PKN2: variants seen among roughly 807,000 people sequenced by gnomAD.
PKN2 encodes the protein protein kinase N2.
PKN2 carries 38 observed loss-of-function variants against 119.1 expected under a neutral mutation model. That is an observed-to-expected ratio of 0.32 (90% CI 0.25 to 0.42). The LOEUF is 0.42. PKN2 is among the 10% of genes least tolerant of loss of function. The pLI, the probability that PKN2 is intolerant of heterozygous loss-of-function variation, is 1.00. For synonymous variants in PKN2, 390 were observed against 384.9 expected (o/e 1.01, Z -0.15); for missense variants, 850 against 1,165.1 (o/e 0.73, Z 3.94).
chr1:88,728,948 G>T (rs907576973), intron 1 of PKN2, among the ~76,000 whole-genome samples: 1 of 148,568 alleles, frequency 6.7e-6, no homozygotes, highest in South Asian at 2.1e-4. Flanking sequence ...AGGCTGGAGT[G>T]CAATGACACG....
chr1:88,832,119 A>C (rs1259612697), intron 19 of PKN2, among the ~76,000 whole-genome samples: 1 of 151,880 alleles, frequency 6.6e-6, no homozygotes, highest in Non-Finnish European at 1.5e-5. Flanking sequence ...CTTTCAGTCT[A>C]ATTTTGTTGG....
In PKN2 at chr1:88,833,406, G is replaced by A; in HGVS notation, c.2913G>A (p.Gln971=). 6.2e-7 allele frequency: 1 copy of A among 1,613,348 alleles called. No homozygotes were observed. Among genetic ancestry groups the A allele is most frequent in the East Asian group, 2.2e-5 (1 of 44,860 alleles). ...REPRILSEEE[Q]EMFRDFDYIA... The stretch of plus-strand genomic sequence containing the variant: ...CAAGGATACTTTCGGAAGAGGAGCA[G>A]GAAATGTTCAGAGATTTTGACTACA... Residue 971 remains glutamine (Q), a synonymous_variant, in exon 22 of 22, where the codon CAG becomes CAA. Coordinates refer to ENST00000370521, the MANE Select transcript of PKN2 (RefSeq NM_006256.4).
At chr1:88,771,202 C>T (rs992017232) in intron 4 of PKN2, among the ~76,000 whole-genome samples, 1 of 151,966 alleles carries the variant, frequency 6.6e-6, no homozygotes, top group African/African-American at 2.4e-5. Flanking sequence ...TCTTTCAGCT[C>T]TAAAATCTTT....
intron 16 of PKN2, among the ~76,000 whole-genome samples, chr1:88,817,708 C>CA (rs55863627): frequency 0.041 from 5,404 of 132,936 alleles, 122 homozygotes; most frequent in Middle Eastern, 0.062. Context: ...GACTCCGTCT[C>CA]AAAAAAAAAA....
At chr1:88,748,753 A>G (rs1192611482) in intron 2 of PKN2, among the ~76,000 whole-genome samples, 1 of 144,736 alleles carries the variant, frequency 6.9e-6, no homozygotes, top group African/African-American at 2.5e-5. Context: ...TGAGCAACAT[A>G]GTGAAACTTC....
At chr1:88,724,494 G>T (rs1260682049) in intron 1 of PKN2, among the ~76,000 whole-genome samples, 1 of 151,212 alleles carries the variant, frequency 6.6e-6, no homozygotes, top group Non-Finnish European at 1.5e-5. Flanking sequence ...ACTTTTTCCT[G>T]GTAAAACTAA....
rs1009913232 is a variant in PKN2 at position 88,829,987 on chromosome 1, T to A, written c.2562+1364T>A. The stretch of plus-strand genomic sequence containing the variant: ...GGAAAAGGAGGAGAAGTATGGCTAA[T>A]TAAAATTTATCATGTGCTAAGCACT... On this transcript the variant is annotated intron_variant, in intron 19 of 21. Coordinates refer to ENST00000370521, the MANE Select transcript of PKN2 (RefSeq NM_006256.4). Among the ~76,000 whole-genome samples, 10 of 152,226 alleles carry A rather than the reference T, an allele frequency of 6.6e-5. 1 individual carries two copies. Among genetic ancestry groups the A allele is most frequent in the Admixed American group, 2.6e-4 (4 of 15,280 alleles).
At chr1:88,775,329 A>G (rs373859326) in intron 6 of PKN2, among the ~76,000 whole-genome samples, 2 of 152,324 alleles carry the variant, frequency 1.3e-5, no homozygotes, top group African/African-American at 4.8e-5. Flanking sequence ...TGCCTTTTCC[A>G]CAATGGTCAT....
chr1:88,704,138 T>C (rs1398467734), intron 1 of PKN2, among the ~76,000 whole-genome samples: 4 of 152,200 alleles, frequency 2.6e-5, no homozygotes, highest in Non-Finnish European at 5.9e-5. Flanking sequence ...CTCTTTCTAA[T>C]CTCCTCCTGT....
At chr1:88,735,064 C>G (rs1007409356) in intron 1 of PKN2, among the ~76,000 whole-genome samples, 2 of 152,142 alleles carry the variant, frequency 1.3e-5, no homozygotes, top group Admixed American at 1.3e-4. Context: ...TTCCATCTTC[C>G]AGTATACTTA....
intron 1 of PKN2, among the ~76,000 whole-genome samples, chr1:88,733,662 A>T (rs1308962640): frequency 6.6e-6 from 1 of 152,136 alleles, no homozygotes; most frequent in Non-Finnish European, 1.5e-5. Context: ...TACCTTTACT[A>T]TGCAGAAGAT....
intron 15 of PKN2, among the ~76,000 whole-genome samples, chr1:88,809,772 G>C (rs1671705477): frequency 3.3e-5 from 5 of 152,102 alleles, no homozygotes. Context: ...GCATACAACT[G>C]ATCCATCTAC....
chr1:88,694,789 T>C (rs1159387716), intron 1 of PKN2, among the ~76,000 whole-genome samples: 2 of 152,222 alleles, frequency 1.3e-5, no homozygotes, highest in African/African-American at 2.4e-5. Flanking sequence ...TTCTGGATTT[T>C]GGTCATTCTA....
chr1:88,788,539 AGGT>A (rs1670679380), intron 8 of PKN2, among the ~76,000 whole-genome samples: 1 of 151,440 alleles, frequency 6.6e-6, no homozygotes, highest in Admixed American at 6.6e-5. Context: ...TCTGCCTCCC[AGGT>A]TCGAGTGATT....
chr1:88,820,215 TATATATATATATATATATAA>T (rs1442482486), intron 16 of PKN2, among the ~76,000 whole-genome samples: 9 of 100,314 alleles, frequency 9.0e-5, no homozygotes, highest in African/African-American at 4.7e-4. Flanking sequence ...TATATATATA[TATATATATATATATATATAA>T]ATAGAAAAAA....
At chr1:88,724,332 C>A (rs924883079) in intron 1 of PKN2, among the ~76,000 whole-genome samples, 1 of 152,082 alleles carries the variant, frequency 6.6e-6, no homozygotes, top group African/African-American at 2.4e-5. Flanking sequence ...GGCCTTGAAT[C>A]TTGTGTATCA....
At chr1:88,727,123 A>G (rs998601672) in intron 1 of PKN2, among the ~76,000 whole-genome samples, 6 of 146,650 alleles carry the variant, frequency 4.1e-5, no homozygotes, top group Non-Finnish European at 6.0e-5. Context: ...CCAGAATTGT[A>G]TTGTTAATGT....
rs575369896 is a variant in PKN2 at position 88,833,293 on chromosome 1, A to G, written c.2800A>G (p.Ile934Val). ...LMDKKVKPPF[I>V]PTIRGREDVS... ...GGACAAAAAAGTAAAGCCACCATTT[A>G]TACCTACCATAAGAGGACGAGAAGA... The change falls in exon 22 of 22, where the codon ATA (isoleucine) becomes GTA (valine). Residue 934 changes from isoleucine to valine, a missense_variant. By Grantham distance (29) the Ile-to-Val change is conservative. Coordinates refer to ENST00000370521, the MANE Select transcript of PKN2 (RefSeq NM_006256.4). 1 of 1,613,436 alleles carries G rather than the reference A, an allele frequency of 6.2e-7. No individual in the cohort carries two copies. Among genetic ancestry groups the G allele is most frequent in the Admixed American group, 1.7e-5 (1 of 59,970 alleles).
At chr1:88,694,357 G>T (rs534543496) in intron 1 of PKN2, among the ~76,000 whole-genome samples, 46 of 152,222 alleles carry the variant, frequency 3.0e-4, no homozygotes, top group African/African-American at 1.1e-3. Context: ...AATCTCATGC[G>T]GTTGGAATCA....
Sources: allele counts gnomAD v4.1 joint callset (sites outside exome capture counted in the v4.1 genomes callset), GRCh38; gene constraint gnomAD v4.1.1; transcripts MANE v1.5; gene names NCBI Gene and HGNC (gene_info 2026-07-23, HGNC 2026-07-21).